UHRF1: variants seen among roughly 807,000 people sequenced by gnomAD.
The protein encoded by UHRF1 is ubiquitin like with PHD and ring finger domains 1.
A neutral mutation model predicts 96.5 loss-of-function variants in UHRF1; 9 were observed. The ratio of observed to expected loss-of-function variants is 0.09; its 90% CI spans 0.06 to 0.16. The LOEUF is 0.16. Among genes scored for constraint, UHRF1 ranks in the 10% least tolerant of loss-of-function variants. The pLI, the probability that UHRF1 is intolerant of heterozygous loss-of-function variation, is 1.00. For synonymous variants in UHRF1, 455 were observed against 469.9 expected (o/e 0.97, Z 0.41); for missense variants, 626 against 1,131.1 (o/e 0.55, Z 6.40).
At chr19:4,944,074 A>G (rs2033490086) in intron 7 of UHRF1, 58 bp from the exon 8 acceptor site, 1 of 1,602,978 alleles carries the variant, frequency 6.2e-7, no homozygotes, top group Admixed American at 1.7e-5. Context: ...CAGAGGGCAC[A>G]TGTTGGCTGA....
chr19:4,941,097 T>TG lies in UHRF1; in HGVS notation c.786-431_786-430insG, dbSNP rs1362371843. 2.8e-5 allele frequency among the ~76,000 whole-genome samples: 4 copies of TG among 141,426 alleles called. No individual in the cohort carries two copies. The East Asian group carries it at 8.4e-4, about 30-fold the overall frequency. 92.8% of individuals were successfully genotyped at this position (141,426 alleles called of 152,430 possible). On this transcript the variant is annotated intron_variant, in intron 5 of 16. Coordinates refer to ENST00000650932, the MANE Select transcript of UHRF1 (RefSeq NM_001048201.3). ...GTTTCTGTGTTTTGTTTTTTTTTTTTTTTTTTTTTTTGAGACTGAGTCTTG... is the reference window on the plus strand; with the variant it reads ...GTTTCTGTGTTTTGTTTTTTTTTTTTGTTTTTTTTTTTGAGACTGAGTCTTG...
chr19:4,909,317 G>GC (rs1379456056), upstream of UHRF1: 26 of 556,172 alleles, frequency 4.7e-5, no homozygotes, highest in Non-Finnish European at 7.9e-5. Flanking sequence ...AGCAGAGCGC[G>GC]CAGGGCTGGG....
Position 4,932,539 on chromosome 19 carries a change from C to G in UHRF1, c.570-202C>G, listed in dbSNP as rs561018962. On this transcript the variant is annotated intron_variant, in intron 4 of 16. Coordinates refer to ENST00000650932, the MANE Select transcript of UHRF1 (RefSeq NM_001048201.3). The stretch of plus-strand genomic sequence containing the variant: ...ATCAGCCTTTGAACATCTCTTTTTG[C>G]AGGGGACACGGGCAACCCATAACAA... The G allele has an allele frequency of 3.6e-4, 218 of 600,242 alleles. 4 individuals carry two copies. The South Asian group carries it at 4.4e-3, about 12-fold the overall frequency. The allele number at this position is 600,242 out of a possible 1,614,324, so 37.2% of individuals were successfully genotyped here.
rs376874019 is a variant in UHRF1, at chr19:4,941,949, C to T, written c.1073+18C>T. ...GACGAGTGGTGAGTGCGGCCCTGCCCGCCGCGGGGAGACCAGAGCGCCCCC... is the reference window on the plus strand; with the variant it reads ...GACGAGTGGTGAGTGCGGCCCTGCCTGCCGCGGGGAGACCAGAGCGCCCCC... On this transcript the variant is annotated intron_variant, in intron 7 of 16. Transcript: ENST00000650932. The T allele has an allele frequency of 3.6e-5, 53 of 1,471,138 alleles. No individual in the cohort carries two copies. Among genetic ancestry groups the T allele is most frequent in the African/African-American group, 9.9e-5 (7 of 70,462 alleles). 91.1% of individuals were successfully genotyped at this position (1,471,138 alleles called of 1,614,324 possible). A position where few individuals can be genotyped will look rare whatever the true frequency, so the allele number is the denominator to read the frequency against.
chr19:4,907,085 G>T (rs1385397709), upstream of UHRF1, among the ~76,000 whole-genome samples: 1 of 152,160 alleles, frequency 6.6e-6, no homozygotes, highest in Admixed American at 6.6e-5. Flanking sequence ...TATGACAAAG[G>T]ACCACAAACT....
At position 4,921,003 on chromosome 19, in the gene UHRF1, A is replaced by T. The variant is rs148663505; in HGVS notation, c.154-8219A>T. On this transcript the variant is annotated intron_variant, in intron 2 of 16. Transcript: ENST00000650932. ...GCTGGGCGTGGTGGCATGCACCTGC[A>T]GTCCCAGCTACTCGGGAGGCTGAGG... 1.0e-3 allele frequency among the ~76,000 whole-genome samples: 154 copies of T among 152,254 alleles called. 7 individuals carry two copies. In the East Asian group the frequency reaches 0.028, roughly 28 times the overall value.
In UHRF1 at chr19:4,929,347, C is replaced by G; in HGVS notation, c.279C>G (p.Thr93=). Residue 93 remains threonine (T), a synonymous_variant, in exon 3 of 17, where the codon ACC becomes ACG. Coordinates refer to ENST00000650932, the MANE Select transcript of UHRF1 (RefSeq NM_001048201.3). ...AGCGGGACTCCGAGCTCTCCGACAC[C>G]GACTCCGGCTGCTGCCTGGGCCAGA... ...TKERDSELSD[T]DSGCCLGQSE... is the part of the protein sequence containing the mutation. 2 of 1,613,656 alleles carry G rather than the reference C, an allele frequency of 1.2e-6. No homozygotes were observed. The highest frequency in any genetic ancestry group is 1.1e-5 in the South Asian group (1 of 91,074).
Position 4,954,389 on chromosome 19 carries a change from C to G in UHRF1, c.1858C>G (p.Arg620Gly). 2 of 1,613,374 alleles carry G rather than the reference C, an allele frequency of 1.2e-6. No individual in the cohort carries two copies. The highest frequency in any genetic ancestry group is 1.7e-6 in the Non-Finnish European group (2 of 1,179,762). ...GYLEALANRE[R>G]EKENSKREEE... is the part of the protein sequence containing the mutation. ...CCTGGAAGCCCTGGCCAACCGAGAG[C>G]GAGAGAAGGAGAACAGCAAGAGGGA... Residue 620 changes from arginine to glycine, a missense_variant, in exon 14 of 17, where the codon CGA becomes GGA. By Grantham distance (125) the Arg-to-Gly change is moderately radical. This residue lies in a region of UHRF1 where 90 missense variants were observed against 94.7 expected (regional missense o/e 0.95). Coordinates refer to ENST00000650932, the MANE Select transcript of UHRF1 (RefSeq NM_001048201.3). This position sits in a 1 kb window ranked among gnomAD's most constrained non-coding sequence, Gnocchi z 5.9.
At chr19:4,951,916 G>T (rs1292769412) in intron 13 of UHRF1, among the ~76,000 whole-genome samples, 1 of 152,132 alleles carries the variant, frequency 6.6e-6, no homozygotes, top group Non-Finnish European at 1.5e-5. Flanking sequence ...CAGACGAATC[G>T]TGAGACTATT....
chr19:4,920,158 G>A lies in UHRF1; in HGVS notation c.154-9064G>A, dbSNP rs186870038. Among the ~76,000 whole-genome samples, 43 of 152,294 alleles carry A rather than the reference G, an allele frequency of 2.8e-4. No homozygotes were observed. The East Asian group carries it at 7.2e-3, about 25-fold the overall frequency. ...AATGAAGAATAAAAAGAGGCTGGGCGCAGCGGCTCATGCTTGTAATTTCAG... is the reference window on the plus strand; with the variant it reads ...AATGAAGAATAAAAAGAGGCTGGGCACAGCGGCTCATGCTTGTAATTTCAG... On this transcript the variant is annotated intron_variant, in intron 2 of 16. Transcript: ENST00000650932.
chr19:4,937,970 G>A (rs2033267961), intron 5 of UHRF1, among the ~76,000 whole-genome samples: 1 of 152,084 alleles, frequency 6.6e-6, no homozygotes, highest in Non-Finnish European at 1.5e-5. Flanking sequence ...GGTCAACATG[G>A]TGTGAAATCC....
intron 5 of UHRF1, among the ~76,000 whole-genome samples, chr19:4,939,038 C>T (rs563457392): frequency 4.6e-5 from 7 of 151,752 alleles, no homozygotes; most frequent in East Asian, 3.9e-4. Flanking sequence ...TTTAGCCTCC[C>T]GAGTAGCTGG....
intron 2 of UHRF1, among the ~76,000 whole-genome samples, chr19:4,928,772 C>T (rs933059954): frequency 6.6e-6 from 1 of 152,220 alleles, no homozygotes; most frequent in Non-Finnish European, 1.5e-5. Flanking sequence ...ATGCTAGGAG[C>T]TTCTCCCAGT....
upstream of UHRF1, among the ~76,000 whole-genome samples, chr19:4,905,270 C>T (rs1443270264): frequency 6.6e-6 from 1 of 150,702 alleles, no homozygotes; most frequent in Non-Finnish European, 1.5e-5. Context: ...GCATGTGCCA[C>T]CATGCCCGGC....
In UHRF1 at chr19:4,951,787, C is replaced by T. The variant is rs117839181; in HGVS notation, c.1818+791C>T. 2.7e-3 allele frequency among the ~76,000 whole-genome samples: 407 copies of T among 152,122 alleles called. 1 individual carries two copies. Among genetic ancestry groups the T allele is most frequent in the Non-Finnish European group, 4.4e-3 (302 of 68,016 alleles). ...GAAAAATGGGGAAGATGAATATCCC[C>T]GAGCCATCTCTCACCTCCCTGTGGC... On this transcript the variant is annotated intron_variant, in intron 13 of 16. Coordinates refer to ENST00000650932, the MANE Select transcript of UHRF1 (RefSeq NM_001048201.3).
chr19:4,916,616 G>C (rs913476308), intron 2 of UHRF1, among the ~76,000 whole-genome samples: 1 of 152,160 alleles, frequency 6.6e-6, no homozygotes, highest in African/African-American at 2.4e-5. Context: ...CTGTGTGCTG[G>C]GATGCCCTCG....
Position 4,930,914 on chromosome 19 carries a change from C to T in UHRF1, c.569+38C>T. ...AGGTGGGCGGGCCTGGGTATTCAGG[C>T]TCTGTGACGCGCATCCTTGGCTGCG... On this transcript the variant is annotated intron_variant, in intron 4 of 16. Transcript: ENST00000650932. This position sits in a 1 kb window ranked among gnomAD's most constrained non-coding sequence, Gnocchi z 4.4. 2 of 1,609,502 alleles carry T rather than the reference C, an allele frequency of 1.2e-6. No individual in the cohort carries two copies. Among genetic ancestry groups the T allele is most frequent in the East Asian group, 2.2e-5 (1 of 44,804 alleles).
At position 4,950,675 on chromosome 19, in the gene UHRF1, C is replaced by A. The variant is rs2033692978; in HGVS notation, c.1582C>A (p.Arg528=). The change falls in exon 12 of 17, where the codon CGG becomes AGG. Residue 528 remains arginine, a synonymous_variant. Coordinates refer to ENST00000650932, the MANE Select transcript of UHRF1 (RefSeq NM_001048201.3). ...AGAAGGGGCCGAGGCCAAGGACTGG[C>A]GGTCGGGGAAGCCGGTCAGGGTGGT... The part of the protein sequence containing the change: ...DQEGAEAKDW[R]SGKPVRVVRN... The A allele has an allele frequency of 6.2e-7, 1 of 1,610,066 alleles. No individual in the cohort carries two copies. Among genetic ancestry groups the A allele is most frequent in the South Asian group, 1.1e-5 (1 of 90,710 alleles).
Position 4,954,233 on chromosome 19 carries a change from G to C in UHRF1, c.1819-117G>C. ...GAGGACTACCCTGTGCTCTTCAGGGGGATTGGGGGTCAGGTGTGTCTGGAA... is the reference window on the plus strand; with the variant it reads ...GAGGACTACCCTGTGCTCTTCAGGGCGATTGGGGGTCAGGTGTGTCTGGAA... On this transcript the variant is annotated intron_variant, in intron 13 of 16. Coordinates refer to ENST00000650932, the MANE Select transcript of UHRF1 (RefSeq NM_001048201.3). The surrounding 1 kb of genome is among the most constrained non-coding windows in gnomAD (Gnocchi z 5.9). The C allele has an allele frequency of 6.8e-7, 1 of 1,479,256 alleles. No individual in the cohort carries two copies. Among genetic ancestry groups the C allele is most frequent in the Non-Finnish European group, 9.1e-7 (1 of 1,096,072 alleles). The allele number at this position is 1,479,256 out of a possible 1,614,324, so 91.6% of individuals were successfully genotyped here.
Sources: gnomAD v4.1 joint callset for allele counts (sites outside exome capture counted in the v4.1 genomes callset) on GRCh38, gnomAD v4.1.1 for gene constraint, gnomAD v4.1.1 regional missense constraint, Gnocchi (gnomAD v3.1) non-coding constraint, MANE v1.5 for transcripts, NCBI Gene and HGNC (gene_info 2026-07-23, HGNC 2026-07-21) for gene names.